The following PPP3CA variants were observed in gnomAD, a reference collection of about 807,000 sequenced individuals.
The protein encoded by PPP3CA is protein phosphatase 3 catalytic subunit alpha.
PPP3CA carries 14 observed loss-of-function variants against 66.5 expected under a neutral mutation model. That is an observed-to-expected ratio of 0.21 (90% CI 0.14 to 0.33). The LOEUF is 0.33. Ranked by LOEUF, PPP3CA falls within the 10% of genes least tolerant of loss-of-function variation. The pLI is 1.00. For missense variants in PPP3CA, 317 were observed against 639.5 expected (o/e 0.50, Z 5.44); for synonymous variants, 232 against 226.2 (o/e 1.03, Z -0.23).
intron 12 of PPP3CA, among the ~76,000 whole-genome samples, chr4:101,032,026 G>A (rs1157426661): frequency 6.6e-6 from 1 of 152,202 alleles, no homozygotes; most frequent in Non-Finnish European, 1.5e-5. Context: ...GGCTGAATAT[G>A]TAGATTAACA....
chr4:101,140,600 T>C (rs1722772598), intron 2 of PPP3CA, among the ~76,000 whole-genome samples: 1 of 152,210 alleles, frequency 6.6e-6, no homozygotes, highest in African/African-American at 2.4e-5. Flanking sequence ...AATTGGGCCC[T>C]AATATGTTTA....
intron 1 of PPP3CA, among the ~76,000 whole-genome samples, chr4:101,292,883 C>T (rs1414335770): frequency 2.0e-5 from 3 of 152,136 alleles, no homozygotes; most frequent in Admixed American, 6.5e-5. Flanking sequence ...TATTGTTTTT[C>T]CACATGACAA....
chr4:101,234,818 T>C (rs1726075529), intron 1 of PPP3CA, among the ~76,000 whole-genome samples: 1 of 151,824 alleles, frequency 6.6e-6, no homozygotes, highest in African/African-American at 2.4e-5. Flanking sequence ...AATTACCTTT[T>C]ACTTAATCAC....
intron 2 of PPP3CA, among the ~76,000 whole-genome samples, chr4:101,141,245 CT>C (rs1722798845): frequency 6.6e-6 from 1 of 152,114 alleles, no homozygotes; most frequent in African/African-American, 2.4e-5. Flanking sequence ...TGGCTCATGC[CT>C]GTAATCACAG....
intron 1 of PPP3CA, among the ~76,000 whole-genome samples, chr4:101,277,612 C>A (rs200740477): frequency 2.6e-5 from 4 of 152,148 alleles, no homozygotes; most frequent in Non-Finnish European, 5.9e-5. Flanking sequence ...TCCTGTTAGA[C>A]AAAAATAGCC....
chr4:101,195,285 A>G (rs1477544266), intron 2 of PPP3CA, among the ~76,000 whole-genome samples: 1 of 150,112 alleles, frequency 6.7e-6, no homozygotes, highest in African/African-American at 2.4e-5. Flanking sequence ...AAAAAAAAAG[A>G]TATTTTGTAG....
intron 2 of PPP3CA, among the ~76,000 whole-genome samples, chr4:101,133,563 G>C (rs925228807): frequency 1.3e-5 from 2 of 151,982 alleles, no homozygotes; most frequent in African/African-American, 4.8e-5. Flanking sequence ...TCTTCAAGCA[G>C]AACTACAAAC....
intron 2 of PPP3CA, among the ~76,000 whole-genome samples, chr4:101,165,681 G>C (rs1350302257): frequency 1.3e-5 from 2 of 152,048 alleles, no homozygotes; most frequent in African/African-American, 2.4e-5. Context: ...CCTTTCAAGA[G>C]AATTGGCCAT....
At chr4:101,238,136 A>G (rs1726184603) in intron 1 of PPP3CA, among the ~76,000 whole-genome samples, 1 of 152,094 alleles carries the variant, frequency 6.6e-6, no homozygotes, top group African/African-American at 2.4e-5. Flanking sequence ...TGGCCACCAG[A>G]TCCAGACAAA....
intron 1 of PPP3CA, among the ~76,000 whole-genome samples, chr4:101,203,569 T>G (rs1035112442): frequency 1.3e-5 from 2 of 152,204 alleles, no homozygotes; most frequent in Non-Finnish European, 2.9e-5. Flanking sequence ...AATAAGTACC[T>G]GAGCAGGACA....
At chr4:101,028,965 T>C (rs1726794595) in intron 13 of PPP3CA, among the ~76,000 whole-genome samples, 1 of 152,086 alleles carries the variant, frequency 6.6e-6, no homozygotes, top group Non-Finnish European at 1.5e-5. Context: ...AAGTCAAACA[T>C]AGCTTTAAGG....
intron 2 of PPP3CA, among the ~76,000 whole-genome samples, chr4:101,186,482 T>C (rs950520198): frequency 1.3e-5 from 2 of 152,176 alleles, no homozygotes; most frequent in African/African-American, 4.8e-5. Context: ...AAATTATTAC[T>C]TTGACATGGG....
rs1017192932 is a variant in PPP3CA, at chr4:101,102,851, T to C, written c.385-3129A>G. On this transcript the variant is annotated intron_variant, in intron 3 of 13. Transcript: ENST00000394854. The stretch of plus-strand genomic sequence containing the variant: ...GTTAAGGTAGAAACAAAGGGCTGTG[T>C]TACACTGGCCTTTTCTGCATGGTGA... Among the ~76,000 whole-genome samples the C allele has an allele frequency of 7.2e-5, 11 of 152,200 alleles. No homozygotes were observed. The East Asian group carries it at 9.6e-4, about 13-fold the overall frequency.
At chr4:101,068,360 A>G (rs1355074763) in intron 8 of PPP3CA, among the ~76,000 whole-genome samples, 2 of 152,184 alleles carry the variant, frequency 1.3e-5, no homozygotes, top group African/African-American at 4.8e-5. Flanking sequence ...AAGTCCTACC[A>G]TCACGAAAGG....
chr4:101,347,355 G>A lies in PPP3CA; in HGVS notation c.-559C>T. 5.1e-6 allele frequency: 1 copy of A among 197,378 alleles called. No homozygotes were observed. Among genetic ancestry groups the A allele is most frequent in the Non-Finnish European group, 1.0e-5 (1 of 98,930 alleles). 12.2% of individuals were successfully genotyped at this position (197,378 alleles called of 1,614,324 possible). The stretch of plus-strand genomic sequence containing the variant: ...CGCTGCTGCTGCCGCTGCCGCTGTT[G>A]CTGCTGCCGCTGCCCCTGCTTCTCC... On this transcript the variant is annotated 5_prime_UTR_variant, in exon 1 of 14. Coordinates refer to ENST00000394854, the MANE Select transcript of PPP3CA (RefSeq NM_000944.5).
At chr4:101,163,520 A>G (rs1723588050) in intron 2 of PPP3CA, among the ~76,000 whole-genome samples, 2 of 152,162 alleles carry the variant, frequency 1.3e-5, no homozygotes, top group African/African-American at 2.4e-5. Flanking sequence ...AATGAGGACA[A>G]GAGAATATTC....
intron 2 of PPP3CA, among the ~76,000 whole-genome samples, chr4:101,138,651 T>C (rs1218972687): frequency 6.6e-6 from 1 of 152,198 alleles, no homozygotes; most frequent in African/African-American, 2.4e-5. Context: ...TTGGAGCCTT[T>C]TGGAATTCTC....
intron 10 of PPP3CA, among the ~76,000 whole-genome samples, chr4:101,054,242 A>G (rs2110220112): frequency 6.6e-6 from 1 of 152,214 alleles, no homozygotes; most frequent in South Asian, 2.1e-4. Context: ...GCTCAGAAAT[A>G]AAAATCACAG....
At chr4:101,233,733 CTT>C (rs56208114) in intron 1 of PPP3CA, among the ~76,000 whole-genome samples, 126,247 of 149,630 alleles carry the variant, frequency 0.84, 53,825 homozygotes, top group African/African-American at 0.95. Flanking sequence ...ATTTACAGGT[CTT>C]TTTTTTTTTT....
Sources: gnomAD v4.1 joint callset for allele counts (sites outside exome capture counted in the v4.1 genomes callset) on GRCh38, gnomAD v4.1.1 for gene constraint, MANE v1.5 for transcripts, NCBI Gene and HGNC (gene_info 2026-07-23, HGNC 2026-07-21) for gene names.